The following CACNA2D3 variants were observed in gnomAD, a reference collection of about 807,000 sequenced individuals.
CACNA2D3 encodes the protein voltage-dependent calcium channel subunit alpha-2/delta-3.
In CACNA2D3, 60 loss-of-function variants were observed where a neutral mutation model predicts 160.6. The observed-to-expected ratio is 0.37, with a 90% CI of 0.30 to 0.46. The LOEUF is 0.46. Among genes scored for constraint, CACNA2D3 ranks in the 20% least tolerant of loss-of-function variants. The pLI, the probability that CACNA2D3 is intolerant of heterozygous loss-of-function variation, is 1.00. For missense variants in CACNA2D3, 1,205 were observed against 1,365.0 expected, an observed-to-expected ratio of 0.88 and a Z score of 1.85; for synonymous variants, 558 against 492.9, an observed-to-expected ratio of 1.13 and a Z score of -1.75.
chr3:54,808,563 C>T (rs1011166941), intron 13 of CACNA2D3, among the ~76,000 whole-genome samples: 56 of 152,100 alleles, frequency 3.7e-4, no homozygotes, highest in African/African-American at 1.3e-3. Flanking sequence ...CGAGGGAAAG[C>T]GATGAGTTGA....
chr3:55,058,694 C>A (rs1481318821), intron 35 of CACNA2D3, among the ~76,000 whole-genome samples: 1 of 151,808 alleles, frequency 6.6e-6, no homozygotes, highest in Non-Finnish European at 1.5e-5. Context: ...GATTCCTATT[C>A]ATTGCAGAAA....
intron 4 of CACNA2D3, among the ~76,000 whole-genome samples, chr3:54,388,049 A>G (rs1029649302): frequency 3.9e-5 from 6 of 152,184 alleles, no homozygotes; most frequent in African/African-American, 1.4e-4. Context: ...GTGATCAAGG[A>G]AAGTTTAATT....
chr3:55,002,597 A>C (rs1048853559), intron 31 of CACNA2D3, among the ~76,000 whole-genome samples: 1 of 152,182 alleles, frequency 6.6e-6, no homozygotes, highest in Admixed American at 6.5e-5. Flanking sequence ...TGGCTGATTT[A>C]TGGTCTTCGT....
chr3:54,641,892 G>A (rs1293715006), intron 10 of CACNA2D3, among the ~76,000 whole-genome samples: 1 of 152,184 alleles, frequency 6.6e-6, no homozygotes, highest in Non-Finnish European at 1.5e-5. Context: ...CCAACAGTAA[G>A]GTCTGTTCGG....
chr3:54,291,169 G>C (rs997984749), intron 2 of CACNA2D3, among the ~76,000 whole-genome samples: 27 of 152,124 alleles, frequency 1.8e-4, no homozygotes, highest in Non-Finnish European at 3.1e-4. Context: ...GGTTATGAGT[G>C]ATCCTTATTT....
At chr3:54,587,394 T>C (rs1203766216) in intron 9 of CACNA2D3, among the ~76,000 whole-genome samples, 1 of 151,956 alleles carries the variant, frequency 6.6e-6, no homozygotes, top group African/African-American at 2.4e-5. Context: ...CTGTCTCTAC[T>C]AAAAATGCAG....
intron 2 of CACNA2D3, among the ~76,000 whole-genome samples, chr3:54,125,322 A>G (rs1350195423): frequency 6.6e-6 from 1 of 152,112 alleles, no homozygotes; most frequent in African/African-American, 2.4e-5. Context: ...ATAACAGCAA[A>G]TTGGAAAAGG....
intron 4 of CACNA2D3, among the ~76,000 whole-genome samples, chr3:54,446,283 G>T (rs1330136610): frequency 6.6e-6 from 1 of 152,004 alleles, no homozygotes; most frequent in Non-Finnish European, 1.5e-5. Flanking sequence ...TTCAAATGTT[G>T]GCCAATTTGG....
intron 2 of CACNA2D3, among the ~76,000 whole-genome samples, chr3:54,170,113 G>A (rs1380206233): frequency 6.6e-6 from 1 of 151,494 alleles, no homozygotes; most frequent in Non-Finnish European, 1.5e-5. Flanking sequence ...ACTTGGACCT[G>A]GAAGGCACGG....
chr3:55,038,573 A>T (rs1703882507), intron 35 of CACNA2D3, among the ~76,000 whole-genome samples: 1 of 152,148 alleles, frequency 6.6e-6, no homozygotes, highest in South Asian at 2.1e-4. Flanking sequence ...CAGGTATATA[A>T]CACTGTTATT....
At chr3:54,653,952 G>A (rs1049391353) in intron 11 of CACNA2D3, among the ~76,000 whole-genome samples, 1 of 152,116 alleles carries the variant, frequency 6.6e-6, no homozygotes, top group Admixed American at 6.5e-5. Flanking sequence ...TGCTGGTGTT[G>A]GGGAAGAGTC....
intron 2 of CACNA2D3, among the ~76,000 whole-genome samples, chr3:54,217,454 T>C (rs1701482902): frequency 6.6e-6 from 1 of 152,162 alleles, no homozygotes; most frequent in African/African-American, 2.4e-5. Flanking sequence ...TTATCTTATT[T>C]AGAAAAAGTG....
At chr3:54,900,471 G>C (rs1700301715) in intron 27 of CACNA2D3, among the ~76,000 whole-genome samples, 1 of 152,160 alleles carries the variant, frequency 6.6e-6, no homozygotes, top group East Asian at 1.9e-4. Context: ...TCTGTGGATG[G>C]CTAGGGGCTT....
chr3:54,656,519 A>G (rs1220610118), intron 11 of CACNA2D3, among the ~76,000 whole-genome samples: 1 of 152,162 alleles, frequency 6.6e-6, no homozygotes. Flanking sequence ...AGCTGTGCCC[A>G]CTTTCCTGCC....
At chr3:54,384,869 G>A (rs1699163010) in intron 3 of CACNA2D3, among the ~76,000 whole-genome samples, 1 of 152,008 alleles carries the variant, frequency 6.6e-6, no homozygotes, top group South Asian at 2.1e-4. Context: ...ACAGGCATGT[G>A]CCACCACGCC....
At chr3:54,847,553 T>A (rs959540218) in intron 17 of CACNA2D3, among the ~76,000 whole-genome samples, 1 of 152,210 alleles carries the variant, frequency 6.6e-6, no homozygotes, top group Non-Finnish European at 1.5e-5. Flanking sequence ...TCCATCATCA[T>A]GCAACTTTGC....
In CACNA2D3 at chr3:54,575,953, C is replaced by T. The variant is rs1420137643; in HGVS notation, c.888+5849C>T. On this transcript the variant is annotated intron_variant, in intron 8 of 37. Coordinates refer to ENST00000474759, the MANE Select transcript of CACNA2D3 (RefSeq NM_018398.3). ...GGGTGAATGTGGAGGCAAGTGGATC[C>T]GGTGAGTGATGGTGAAATGAATGAG... Among the ~76,000 whole-genome samples the T allele has an allele frequency of 7.9e-5, 12 of 152,038 alleles. No individual in the cohort carries two copies. In the East Asian group the frequency reaches 1.9e-3, roughly 25 times the overall value.
intron 13 of CACNA2D3, among the ~76,000 whole-genome samples, chr3:54,805,626 A>C (rs1703101380): frequency 6.6e-6 from 1 of 152,210 alleles, no homozygotes; most frequent in South Asian, 2.1e-4. Flanking sequence ...CAGAGGTACA[A>C]AGAGGAATTG....
chr3:54,195,780 T>C (rs1371812851), intron 2 of CACNA2D3, among the ~76,000 whole-genome samples: 3 of 152,172 alleles, frequency 2.0e-5, no homozygotes, highest in Non-Finnish European at 4.4e-5. Flanking sequence ...CTGAGGGATG[T>C]CAAGCATCCT....
Sources: allele counts gnomAD v4.1 joint callset (sites outside exome capture counted in the v4.1 genomes callset), GRCh38; gene constraint gnomAD v4.1.1; transcripts MANE v1.5; gene names NCBI Gene and HGNC (gene_info 2026-07-23, HGNC 2026-07-21).